Variants in CCSER1 observed in about 807,000 individuals in gnomAD.
The protein encoded by CCSER1 is coiled-coil serine rich protein 1.
Under a neutral mutation model 82.0 loss-of-function variants are expected in CCSER1, and 41 were observed. That is an observed-to-expected ratio of 0.50 (90% CI 0.39 to 0.65). CCSER1 has a LOEUF of 0.65. Among genes scored for constraint, CCSER1 ranks in the 30% least tolerant of loss-of-function variants. The probability of loss-of-function intolerance (pLI) is 0.00; values close to 1 mark genes in which losing one functional copy is unlikely to be tolerated. For missense variants in CCSER1, 1,119 were observed against 1,064.2 expected, an observed-to-expected ratio of 1.05 and a Z score of -0.72; for synonymous variants, 414 against 383.9, an observed-to-expected ratio of 1.08 and a Z score of -0.92.
At chr4:91,490,923 T>TATAA (rs1281597342) in intron 10 of CCSER1, among the ~76,000 whole-genome samples, 2 of 84,092 alleles carry the variant, frequency 2.4e-5, no homozygotes, top group African/African-American at 1.0e-4. Flanking sequence ...TATATATATA[T>TATAA]ATATAAAATA....
At chr4:91,399,546 T>C (rs1435213390) in intron 10 of CCSER1, among the ~76,000 whole-genome samples, 1 of 151,978 alleles carries the variant, frequency 6.6e-6, no homozygotes, top group Non-Finnish European at 1.5e-5. Flanking sequence ...GAGACTTTCA[T>C]ATAGCTGCTG....
At chr4:91,405,176 T>A (rs13141459) in intron 10 of CCSER1, among the ~76,000 whole-genome samples, 1 of 152,206 alleles carries the variant, frequency 6.6e-6, no homozygotes, top group Non-Finnish European at 1.5e-5. Context: ...TTTTGATCTT[T>A]GTTGGTTTAA....
intron 10 of CCSER1, among the ~76,000 whole-genome samples, chr4:91,446,955 T>G (rs1389165006): frequency 6.6e-6 from 1 of 151,968 alleles, no homozygotes; most frequent in African/African-American, 2.4e-5. Flanking sequence ...AGATGGAGTG[T>G]TATAGGAAGT....
chr4:91,337,533 G>A (rs1270409402), intron 10 of CCSER1, among the ~76,000 whole-genome samples: 1 of 152,052 alleles, frequency 6.6e-6, no homozygotes, highest in Non-Finnish European at 1.5e-5. Context: ...ACTTTGGACT[G>A]CAGCTTCTTT....
At chr4:90,659,602 A>G (rs577429149) in intron 6 of CCSER1, among the ~76,000 whole-genome samples, 1 of 152,236 alleles carries the variant, frequency 6.6e-6, no homozygotes, top group East Asian at 1.9e-4. Flanking sequence ...TATCATTGTG[A>G]CTATGAGTCT....
At chr4:90,520,279 A>G (rs1772909428) in intron 5 of CCSER1, among the ~76,000 whole-genome samples, 1 of 151,746 alleles carries the variant, frequency 6.6e-6, no homozygotes, top group African/African-American at 2.4e-5. Flanking sequence ...AGCAATTATA[A>G]TCATTTTATA....
At position 90,484,699 on chromosome 4, in the gene CCSER1, C is replaced by T. The variant is rs1470592845; in HGVS notation, c.1724+16345C>T. Among the ~76,000 whole-genome samples, 5 of 152,306 alleles carry T rather than the reference C, an allele frequency of 3.3e-5. No homozygotes were observed. The East Asian group carries it at 9.7e-4, about 29-fold the overall frequency. On this transcript the variant is annotated intron_variant, in intron 5 of 10. Coordinates refer to ENST00000509176, the MANE Select transcript of CCSER1 (RefSeq NM_001145065.2). ...CTGCAGAACAGTGGATATTGGTGAA[C>T]CGCAAATGCTGCTCCCTGATGGTTC...
intron 8 of CCSER1, among the ~76,000 whole-genome samples, chr4:90,879,223 A>T (rs903019110): frequency 4.6e-5 from 7 of 152,052 alleles, no homozygotes; most frequent in Non-Finnish European, 8.8e-5. Context: ...TTGTGATTGC[A>T]TTGTGAAATT....
intron 10 of CCSER1, among the ~76,000 whole-genome samples, chr4:91,314,885 T>C (rs1426080514): frequency 2.0e-5 from 3 of 151,940 alleles, no homozygotes; most frequent in Non-Finnish European, 4.4e-5. Context: ...AAGGTAATGA[T>C]TCAAATACAA....
chr4:91,235,670 C>T (rs1465700961), intron 10 of CCSER1, among the ~76,000 whole-genome samples: 1 of 151,930 alleles, frequency 6.6e-6, no homozygotes, highest in South Asian at 2.1e-4. Flanking sequence ...AAATAGGAGA[C>T]AGGCCTTGTG....
At chr4:91,449,879 G>A (rs1755776857) in intron 10 of CCSER1, among the ~76,000 whole-genome samples, 1 of 152,004 alleles carries the variant, frequency 6.6e-6, no homozygotes, top group Admixed American at 6.6e-5. Flanking sequence ...ACTTTTTAAT[G>A]TTCTCAAATC....
chr4:91,062,088 C>T (rs1744003721), intron 9 of CCSER1, among the ~76,000 whole-genome samples: 1 of 151,896 alleles, frequency 6.6e-6, no homozygotes, highest in African/African-American at 2.4e-5. Flanking sequence ...TACATAAATA[C>T]ACCATATTTA....
At chr4:91,056,801 A>G (rs893475064) in intron 9 of CCSER1, among the ~76,000 whole-genome samples, 2 of 152,162 alleles carry the variant, frequency 1.3e-5, no homozygotes, top group African/African-American at 4.8e-5. Context: ...TGAGGTGTAA[A>G]GTAAAACCTT....
In CCSER1 at chr4:91,152,992, G is replaced by T. The variant is rs1157975787; in HGVS notation, c.2217+66998G>T. Among the ~76,000 whole-genome samples the T allele has an allele frequency of 1.3e-5, 2 of 151,762 alleles. 1 individual carries two copies. The highest frequency in any genetic ancestry group is 2.9e-5 in the Non-Finnish European group (2 of 67,884). Reference sequence around the variant, plus strand: ...GTGAATCTAACAATTATGTGTCTTGGAGTTGCTCTTCTCAAGGAGTATCTT... The same window carrying T: ...GTGAATCTAACAATTATGTGTCTTGTAGTTGCTCTTCTCAAGGAGTATCTT... On this transcript the variant is annotated intron_variant, in intron 10 of 10. Transcript: ENST00000509176.
chr4:90,866,543 A>C (rs1405397671), intron 8 of CCSER1, among the ~76,000 whole-genome samples: 1 of 152,066 alleles, frequency 6.6e-6, no homozygotes, highest in East Asian at 1.9e-4. Flanking sequence ...TTCTTAAGAA[A>C]ACCCATTAAA....
chr4:90,753,548 A>G (rs183881718), intron 7 of CCSER1, among the ~76,000 whole-genome samples: 247 of 152,148 alleles, frequency 1.6e-3, no homozygotes, highest in Non-Finnish European at 2.4e-3. Flanking sequence ...GAATATATAA[A>G]TATATTCCAA....
At chr4:90,879,775 T>C (rs1413513350) in intron 8 of CCSER1, among the ~76,000 whole-genome samples, 1 of 152,238 alleles carries the variant, frequency 6.6e-6, no homozygotes, top group East Asian at 1.9e-4. Flanking sequence ...ACTCTAGACA[T>C]TTGAGTTATT....
At chr4:90,243,723 G>A (rs17016696) in intron 1 of CCSER1, among the ~76,000 whole-genome samples, 41,657 of 151,868 alleles carry the variant, frequency 0.27, 8,154 homozygotes, top group East Asian at 0.56. Flanking sequence ...ATAGTCACTT[G>A]ACTTTCATTA....
chr4:90,778,753 T>A (rs1561120407), intron 7 of CCSER1, among the ~76,000 whole-genome samples: 1 of 149,220 alleles, frequency 6.7e-6, no homozygotes. Flanking sequence ...TCCTTAGAGA[T>A]AAGGGATAGA....
Sources: allele counts gnomAD v4.1 joint callset (sites outside exome capture counted in the v4.1 genomes callset), GRCh38; gene constraint gnomAD v4.1.1; transcripts MANE v1.5; gene names NCBI Gene and HGNC (gene_info 2026-07-23, HGNC 2026-07-21).